Variants in NFASC observed in about 807,000 individuals in gnomAD.
NFASC encodes neurofascin, also known as neurofascin homolog.
Under a neutral mutation model 147.5 loss-of-function variants are expected in NFASC, and 43 were observed. The ratio of observed to expected loss-of-function variants is 0.29; its 90% CI spans 0.23 to 0.38. NFASC has a LOEUF of 0.38. Among genes scored for constraint, NFASC ranks in the 10% least tolerant of loss-of-function variants. The probability of loss-of-function intolerance (pLI) is 1.00; values close to 1 mark genes in which losing one functional copy is unlikely to be tolerated. For synonymous variants in NFASC, 622 were observed against 665.5 expected (o/e 0.93, Z 1.01); for missense variants, 1,320 against 1,689.0 (o/e 0.78, Z 3.83).
chr1:204,870,671 G>A, intron 1 of NFASC: 1 of 1,079,588 alleles, frequency 9.3e-7, no homozygotes, highest in East Asian at 7.7e-5. Context: ...ACCCAGCGGT[G>A]AGCGAGTGAG....
intron 5 of NFASC, among the ~76,000 whole-genome samples, chr1:204,952,923 G>A (rs180962205): frequency 6.6e-6 from 1 of 152,282 alleles, no homozygotes; most frequent in Non-Finnish European, 1.5e-5. Flanking sequence ...CTGGCCTCCT[G>A]GGTTCACACA....
At position 205,001,355 on chromosome 1, in the gene NFASC, G is replaced by A. The variant is rs2095981207; in HGVS notation, c.3136+69G>A. 4.0e-5 allele frequency: 38 copies of A among 952,214 alleles called. 1 individual carries two copies. In the South Asian group the frequency reaches 4.9e-4, roughly 12 times the overall value. The allele number at this position is 952,214 out of a possible 1,614,324, so 59.0% of individuals were successfully genotyped here. On this transcript the variant is annotated intron_variant, in intron 26 of 29. Transcript: ENST00000339876. ...GCAGCAGCGGCGGGTAGTGGTAGAT[G>A]CCATTAAAGAGCTCCTGTGAACTCC...
chr1:204,841,726 G>A (rs1675422374), intron 1 of NFASC, among the ~76,000 whole-genome samples: 1 of 152,194 alleles, frequency 6.6e-6, no homozygotes, highest in South Asian at 2.1e-4. Context: ...AACCCCATGA[G>A]CCTTCCCTAA....
At chr1:204,976,839 T>C in intron 16 of NFASC, 44 bp downstream of exon 16, 1 of 1,585,594 alleles carries the variant, frequency 6.3e-7, no homozygotes, top group African/African-American at 1.4e-5. Context: ...CCCCACCCCC[T>C]CCCCAGCAGC....
intron 1 of NFASC, among the ~76,000 whole-genome samples, chr1:204,892,278 T>C (rs2082558818): frequency 6.6e-6 from 1 of 152,206 alleles, no homozygotes; most frequent in Non-Finnish European, 1.5e-5. Flanking sequence ...CCTTAGCAAA[T>C]GTAGCAACAC....
rs767472395 is a variant in NFASC at position 205,001,282 on chromosome 1, C to T, written c.3132C>T (p.Ile1044=). ...GAACTGACTTTGTGGTTGAGTACATCGACAGTAAGCATTGCTGTGCGGGGT... is the reference window on the plus strand; with the variant it reads ...GAACTGACTTTGTGGTTGAGTACATTGACAGTAAGCATTGCTGTGCGGGGT... ...GPGTDFVVEY[I]DSNHTKKTVP... The change falls in exon 26 of 30, where the codon ATC becomes ATT. Residue 1044 remains isoleucine (I), a synonymous_variant. Transcript: ENST00000339876. 3.8e-5 allele frequency: 61 copies of T among 1,604,276 alleles called. No individual in the cohort carries two copies. The highest frequency in any genetic ancestry group is 4.9e-5 in the Non-Finnish European group (57 of 1,173,102).
At chr1:204,925,288 A>G (rs997093466) in intron 2 of NFASC, among the ~76,000 whole-genome samples, 2 of 152,222 alleles carry the variant, frequency 1.3e-5, no homozygotes, top group Admixed American at 6.5e-5. Context: ...CATTTATCCC[A>G]CTTTTAAACA....
intron 10 of NFASC, among the ~76,000 whole-genome samples, chr1:204,969,482 C>T (rs1387111216): frequency 2.6e-5 from 4 of 152,182 alleles, no homozygotes; most frequent in South Asian, 4.1e-4. Context: ...GAGCACGTGT[C>T]GTCATGGGTC....
At chr1:204,922,937 C>T (rs1170194324) in intron 2 of NFASC, among the ~76,000 whole-genome samples, 1 of 152,202 alleles carries the variant, frequency 6.6e-6, no homozygotes, top group Non-Finnish European at 1.5e-5. Context: ...GGCACTGTGC[C>T]CTGCGCTCCA....
At position 205,016,969 on chromosome 1, in the gene NFASC, T is replaced by G. The variant is rs1308063905; in HGVS notation, c.*430T>G. The G allele has an allele frequency of 3.4e-6, 1 of 293,584 alleles. No individual in the cohort carries two copies. Among genetic ancestry groups the G allele is most frequent in the South Asian group, 3.4e-5 (1 of 29,580 alleles). The allele number at this position is 293,584 out of a possible 1,614,324, so 18.2% of individuals were successfully genotyped here. On this transcript the variant is annotated 3_prime_UTR_variant, in exon 30 of 30. Coordinates refer to ENST00000339876, the MANE Select transcript of NFASC (RefSeq NM_001005388.3). The surrounding 1 kb of genome is among the most constrained non-coding windows in gnomAD (Gnocchi z 5.1). ...GTTTTCTTTTCCTTTTGAAAAAGAG[T>G]CCCTGGAAAAGAAAGAATAAGTGGA...
At position 204,954,285 on chromosome 1, in the gene NFASC, A is replaced by G. The variant is rs753232079; in HGVS notation, c.313A>G (p.Ser105Gly). The G allele has an allele frequency of 1.9e-6, 3 of 1,614,226 alleles. No individual in the cohort carries two copies. The highest frequency in any genetic ancestry group is 1.1e-5 in the South Asian group (1 of 91,088). Reference sequence around the variant, plus strand: ...TGGGACCCTGGTGATTGACTTCCGCAGTGGCGGGCGGCCGGAGGAATATGA... The same window carrying G: ...TGGGACCCTGGTGATTGACTTCCGCGGTGGCGGGCGGCCGGAGGAATATGA... ...RSGTLVIDFRSGGRPEEYEGE... is the reference protein window; with the variant it reads ...RSGTLVIDFRGGGRPEEYEGE... The change falls in exon 6 of 30, where the codon AGT becomes GGT. Residue 105 changes from serine (S) to glycine (G), a missense_variant. Physicochemically the swap from Ser to Gly is moderately conservative, Grantham distance 56. Around this residue, in one of 3 missense-constraint regions of NFASC, gnomAD observed 981 missense variants for 1,289.5 expected, o/e 0.76. Transcript: ENST00000339876. This position sits in a 1 kb window ranked among gnomAD's most constrained non-coding sequence, Gnocchi z 5.7.
Position 204,935,873 on chromosome 1 carries a change from A to G in NFASC, c.-90-8353A>G, listed in dbSNP as rs370858976. 5.9e-5 allele frequency among the ~76,000 whole-genome samples: 9 copies of G among 152,146 alleles called. No homozygotes were observed. The East Asian group carries it at 7.7e-4, about 13-fold the overall frequency. ...GGCACAGGGTTTTTGAATATGGAAC[A>G]TTAGGCTGCTGCACAGGGTTTCCAG... On this transcript the variant is annotated intron_variant, in intron 2 of 29. Transcript: ENST00000339876.
chr1:204,900,821 G>A (rs373029002), intron 1 of NFASC, among the ~76,000 whole-genome samples: 5 of 152,108 alleles, frequency 3.3e-5, no homozygotes, highest in African/African-American at 1.2e-4. Context: ...AGTAGTAGAG[G>A]AATTGAGAAG....
At chr1:204,981,539 G>C (rs571106744) in intron 20 of NFASC, among the ~76,000 whole-genome samples, 2 of 152,396 alleles carry the variant, frequency 1.3e-5, no homozygotes, top group African/African-American at 4.8e-5. Flanking sequence ...ACAAATGCGG[G>C]TGGCTCTCAG....
In NFASC at chr1:204,973,351, C is replaced by G; in HGVS notation, c.1211C>G (p.Ala404Gly). 1 of 1,614,266 alleles carries G rather than the reference C, an allele frequency of 6.2e-7. No individual in the cohort carries two copies. The highest frequency in any genetic ancestry group is 8.5e-7 in the Non-Finnish European group (1 of 1,180,050). The change falls in exon 12 of 30, where the codon GCT (alanine) becomes GGT (glycine). Residue 404 changes from alanine to glycine, a missense_variant. Ala to Gly is a moderately conservative substitution (Grantham distance 60). Around this residue, in one of 3 missense-constraint regions of NFASC, gnomAD observed 981 missense variants for 1,289.5 expected, o/e 0.76. Coordinates refer to ENST00000339876, the MANE Select transcript of NFASC (RefSeq NM_001005388.3). ...IFRDTQISSR[A>G]VYQCNTSNEH... ...CGGGACACCCAGATCAGCAGCAGGG[C>G]TGTGTACCAGTGCAACACCTCCAAC...
intron 8 of NFASC, chr1:204,967,961 C>CGTAA: frequency 2.2e-5 from 6 of 266,776 alleles, no homozygotes; most frequent in Non-Finnish European, 2.9e-5. Flanking sequence ...CTCAGACAGC[C>CGTAA]CCTCCCCGTT....
intron 1 of NFASC, among the ~76,000 whole-genome samples, chr1:204,877,007 TATATATATATATATATATATAATA>T (rs1558547543): frequency 4.5e-5 from 5 of 110,004 alleles, no homozygotes; most frequent in Non-Finnish European, 8.1e-5. Context: ...TATATATATA[TATATATATATATATATATATAATA>T]TATATTTATA....
intron 2 of NFASC, among the ~76,000 whole-genome samples, chr1:204,925,737 T>C (rs991083398): frequency 1.3e-5 from 2 of 152,200 alleles, no homozygotes; most frequent in African/African-American, 4.8e-5. Context: ...GACTATGGTC[T>C]GTTGAAACTA....
At chr1:205,002,789 G>A in intron 27 of NFASC, 41 bp downstream of exon 27, 2 of 1,373,152 alleles carry the variant, frequency 1.5e-6, no homozygotes, top group Non-Finnish European at 1.9e-6. Context: ...GCAAGCATGG[G>A]GCATTTCATT....
Sources: gnomAD v4.1 joint callset for allele counts (sites outside exome capture counted in the v4.1 genomes callset) on GRCh38, gnomAD v4.1.1 for gene constraint, gnomAD v4.1.1 regional missense constraint, Gnocchi (gnomAD v3.1) non-coding constraint, MANE v1.5 for transcripts, NCBI Gene and HGNC (gene_info 2026-07-23, HGNC 2026-07-21) for gene names.